RGS6: variants seen among roughly 807,000 people sequenced by gnomAD.
RGS6 encodes the protein regulator of G protein signaling 6.
Under a neutral mutation model 78.5 loss-of-function variants are expected in RGS6, and 30 were observed. The ratio of observed to expected loss-of-function variants is 0.38; its 90% confidence interval spans 0.29 to 0.52. The LOEUF (loss-of-function observed/expected upper bound fraction) is 0.52. RGS6 is among the 20% of genes least tolerant of loss of function. The pLI is 0.85. For missense variants in RGS6, 495 were observed against 609.7 expected (o/e 0.81, Z 1.98); for synonymous variants, 206 against 206.0 (o/e 1.00, Z 0.00).
intron 15 of RGS6, among the ~76,000 whole-genome samples, chr14:72,523,511 C>T (rs1254093375): frequency 6.6e-6 from 1 of 152,116 alleles, no homozygotes; most frequent in African/African-American, 2.4e-5. Context: ...TTTATGGATT[C>T]ACTGGAAGCA....
At chr14:72,525,563 G>A (rs1317881822) in intron 15 of RGS6, among the ~76,000 whole-genome samples, 1 of 151,574 alleles carries the variant, frequency 6.6e-6, no homozygotes, top group Non-Finnish European at 1.5e-5. Flanking sequence ...AAGTGTAGAT[G>A]TTTAAATGCA....
chr14:72,172,999 T>TG (rs1479408619), intron 2 of RGS6, among the ~76,000 whole-genome samples: 1 of 152,168 alleles, frequency 6.6e-6, no homozygotes, highest in African/African-American at 2.4e-5. Flanking sequence ...CTGCCCTACC[T>TG]GGGGCAGGGC....
At chr14:72,022,887 G>A (rs2089005964) in intron 2 of RGS6, among the ~76,000 whole-genome samples, 1 of 152,178 alleles carries the variant, frequency 6.6e-6, no homozygotes, top group Non-Finnish European at 1.5e-5. Flanking sequence ...ATGTATCATG[G>A]AGGTAAACAC....
chr14:72,400,245 A>G lies in RGS6; in HGVS notation c.184+48051A>G, dbSNP rs1050708633. On this transcript the variant is annotated intron_variant, in intron 3 of 17. Transcript: ENST00000553525. ...GGGGGCCAATATTCAACATTCTTAA[A>G]GAAAAGAATTTTCAACATACTGATT... is the stretch of plus-strand genomic sequence containing the variant. Among the ~76,000 whole-genome samples the G allele has an allele frequency of 2.6e-5, 4 of 152,246 alleles. No homozygotes were observed. The South Asian group carries it at 8.3e-4, about 31-fold the overall frequency.
chr14:72,503,887 C>T (rs996420614), intron 13 of RGS6, among the ~76,000 whole-genome samples: 2 of 152,172 alleles, frequency 1.3e-5, no homozygotes, highest in Non-Finnish European at 2.9e-5. Flanking sequence ...ATTGCTTTCC[C>T]AGGCTGGGGT....
At chr14:72,467,491 C>T (rs1021482691) in intron 7 of RGS6, among the ~76,000 whole-genome samples, 4 of 152,146 alleles carry the variant, frequency 2.6e-5, no homozygotes, top group African/African-American at 7.2e-5. Context: ...CCTACCAAGC[C>T]TACCAAGCCT....
At position 72,027,864 on chromosome 14, in the gene RGS6, T is replaced by C. The variant is rs138397856; in HGVS notation, c.84+62989T>C. ...CCAGAAGACTGGAATAGGCTTCCTTTTATCTCTTTTGCACAGTTGTGTCTT... is the reference window on the plus strand; with the variant it reads ...CCAGAAGACTGGAATAGGCTTCCTTCTATCTCTTTTGCACAGTTGTGTCTT... On this transcript the variant is annotated intron_variant, in intron 2 of 17. Coordinates refer to ENST00000553525, the MANE Select transcript of RGS6 (RefSeq NM_001204424.2). Among the ~76,000 whole-genome samples the C allele has an allele frequency of 1.3e-3, 198 of 152,350 alleles. 2 individuals are homozygous for C. The highest frequency in any genetic ancestry group is 6.8e-3 in the Middle Eastern group (2 of 294).
At chr14:72,589,561 A>T in the RGS6 span, among the ~76,000 whole-genome samples, 1 of 151,888 alleles carries the variant, frequency 6.6e-6, no homozygotes, top group Non-Finnish European at 1.5e-5. Flanking sequence ...AAAGAAAAAA[A>T]AATTGATGTA....
At chr14:72,610,804 G>A in the RGS6 span, among the ~76,000 whole-genome samples, 1 of 152,148 alleles carries the variant, frequency 6.6e-6, no homozygotes, top group East Asian at 1.9e-4. Flanking sequence ...GAGGGCTCAG[G>A]GCCCACCACT....
rs3053057 is a variant in RGS6 at position 72,001,471 on chromosome 14, AACACACACACACACACACACACACAC to A, written c.84+36622_84+36647del. Among the ~76,000 whole-genome samples, 23 of 146,138 alleles carry A rather than the reference AACACACACACACACACACACACACAC, an allele frequency of 1.6e-4. 1 individual carries two copies. The highest frequency in any genetic ancestry group is 3.4e-3 in the Middle Eastern group (1 of 290). ...TGCTTTCTAAGATAAATAAAAACAG[AACACACACACACACACACACACACAC>A]ACACACACACACACACACACACACA... On this transcript the variant is annotated intron_variant, in intron 2 of 17. Coordinates refer to ENST00000553525, the MANE Select transcript of RGS6 (RefSeq NM_001204424.2).
intron 2 of RGS6, among the ~76,000 whole-genome samples, chr14:72,291,616 A>C (rs2063588544): frequency 6.6e-6 from 1 of 152,210 alleles, no homozygotes; most frequent in African/African-American, 2.4e-5. Context: ...TGAATTGAGA[A>C]CAGCAAGCCA....
chr14:72,580,820 A>G, the RGS6 span, among the ~76,000 whole-genome samples: 8 of 152,294 alleles, frequency 5.3e-5, no homozygotes, highest in South Asian at 1.7e-3. Flanking sequence ...CTATTCACTT[A>G]CCTGGGCCTC....
At chr14:71,977,855 G>A (rs1403999300) in intron 2 of RGS6, among the ~76,000 whole-genome samples, 1 of 152,062 alleles carries the variant, frequency 6.6e-6, no homozygotes. Context: ...ACCTTGGGCA[G>A]TATGGCCATT....
chr14:72,295,529 T>C (rs1013949708), intron 2 of RGS6, among the ~76,000 whole-genome samples: 1 of 152,108 alleles, frequency 6.6e-6, no homozygotes, highest in Non-Finnish European at 1.5e-5. Flanking sequence ...AGGGGAGATA[T>C]GAAACAACGG....
intron 3 of RGS6, among the ~76,000 whole-genome samples, chr14:72,412,256 G>T (rs936533606): frequency 6.6e-6 from 1 of 152,172 alleles, no homozygotes; most frequent in Non-Finnish European, 1.5e-5. Flanking sequence ...CCTGTTATTG[G>T]TCTATTCAGA....
At chr14:72,103,985 A>G (rs1248709002) in intron 2 of RGS6, among the ~76,000 whole-genome samples, 1 of 152,228 alleles carries the variant, frequency 6.6e-6, no homozygotes, top group Non-Finnish European at 1.5e-5. Context: ...CTAGTGCATG[A>G]CAATTGTTGT....
chr14:72,611,480 G>A, the RGS6 span, among the ~76,000 whole-genome samples: 1 of 152,164 alleles, frequency 6.6e-6, no homozygotes, highest in Admixed American at 6.5e-5. Flanking sequence ...GCTGGGGTCT[G>A]GTGGAGTGTG....
intron 14 of RGS6, among the ~76,000 whole-genome samples, chr14:72,515,030 G>T (rs2096923239): frequency 6.6e-6 from 1 of 152,170 alleles, no homozygotes. Context: ...TGACACAAAG[G>T]TTCCTCAAAA....
At chr14:72,011,627 C>A (rs2085751934) in intron 2 of RGS6, among the ~76,000 whole-genome samples, 1 of 151,970 alleles carries the variant, frequency 6.6e-6, no homozygotes, top group Non-Finnish European at 1.5e-5. Context: ...AGTATAACAA[C>A]TATTTACATA....
Sources: allele counts gnomAD v4.1 joint callset (sites outside exome capture counted in the v4.1 genomes callset), GRCh38; gene constraint gnomAD v4.1.1; transcripts MANE v1.5; gene names NCBI Gene and HGNC (gene_info 2026-07-23, HGNC 2026-07-21).